Variants in GON4L observed in about 807,000 individuals in gnomAD.
GON4L encodes the protein gon-4 like.
GON4L carries 87 observed loss-of-function variants against 211.8 expected under a neutral mutation model. The observed-to-expected ratio is 0.41, with a 90% confidence interval of 0.35 to 0.49. The LOEUF (loss-of-function observed/expected upper bound fraction) is 0.49, where lower values mean the gene tolerates loss of function less well. Among genes scored for constraint, GON4L ranks in the 20% least tolerant of loss-of-function variants. GON4L has a pLI of 0.15. For synonymous variants in GON4L, 875 were observed against 962.6 expected (o/e 0.91, Z 1.68); for missense variants, 2,155 against 2,659.5 (o/e 0.81, Z 4.17).
At chr1:155,810,459 G>T (rs533343384) in intron 10 of GON4L, among the ~76,000 whole-genome samples, 29 of 151,908 alleles carry the variant, frequency 1.9e-4, no homozygotes, top group African/African-American at 7.0e-4. Flanking sequence ...TGTAATCCTA[G>T]CACTTTGGGA....
intron 2 of GON4L, chr1:155,846,641 T>C (rs553991844): frequency 6.6e-6 from 1 of 152,266 alleles, no homozygotes; most frequent in African/African-American, 2.4e-5. Flanking sequence ...ATAGATTTTT[T>C]AATTTGTAAA....
intron 16 of GON4L, 94 bp from the exon 17 acceptor site, chr1:155,775,267 T>C (rs995503958): frequency 2.6e-5 from 39 of 1,523,032 alleles, no homozygotes; most frequent in African/African-American, 5.5e-5. Context: ...ACCTTCCTAC[T>C]ACAGGATAAA....
chr1:155,767,294 G>A (rs1662615332), intron 20 of GON4L, 131 bp downstream of exon 20: 4 of 1,590,300 alleles, frequency 2.5e-6, no homozygotes, highest in Non-Finnish European at 3.4e-6. Context: ...GGGAAGAAAG[G>A]TGAATCAGGA....
rs1662304053 is a variant in GON4L at position 155,765,073 on chromosome 1, T to A, written c.4400A>T (p.Asp1467Val). The A allele has an allele frequency of 6.2e-7, 1 of 1,614,062 alleles. No individual in the cohort carries two copies. The highest frequency in any genetic ancestry group is 8.5e-7 in the Non-Finnish European group (1 of 1,180,004). The change falls in exon 21 of 32, where the codon GAC becomes GTC. Residue 1467 changes from aspartate to valine, a missense_variant. Asp to Val is a radical substitution (Grantham distance 152, BLOSUM62 -3). Transcript: ENST00000368331. ...PEEEEEEDFD[D>V]LTQDEEDEMS... ...TTCATCTTCCTCATCTTGGGTGAGGTCATCAAAGTCCTCTTCTTCCTCTTC... is the reference window on the plus strand; with the variant it reads ...TTCATCTTCCTCATCTTGGGTGAGGACATCAAAGTCCTCTTCTTCCTCTTC...
intron 28 of GON4L, 52 bp from the exon 29 acceptor site, chr1:155,753,466 G>C (rs1217674858): frequency 7.3e-7 from 1 of 1,376,700 alleles, no homozygotes; most frequent in East Asian, 2.3e-5. Flanking sequence ...TATGTCTTTG[G>C]TTGGGGCCCA....
In GON4L at chr1:155,814,199, T is replaced by C. The variant is rs1668031623; in HGVS notation, c.1281+131A>G. On this transcript the variant is annotated intron_variant, in intron 9 of 31. Transcript: ENST00000368331. ...CTGAGTTCTAGCCTTCTCTGAACTG[T>C]TTACTAACTTAAGAAACTTTGAAAA... 3.1e-6 allele frequency: 3 copies of C among 971,622 alleles called. No individual in the cohort carries two copies. The Admixed American group carries it at 5.3e-5, about 17-fold the overall frequency. The allele number at this position is 971,622 out of a possible 1,614,324, so 60.2% of individuals were successfully genotyped here. A position where few individuals can be genotyped will look rare whatever the true frequency, so the allele number is the denominator to read the frequency against.
At position 155,749,940 on chromosome 1, in the gene GON4L, G is replaced by A. The variant is rs1660416854; in HGVS notation, c.*644C>T. On this transcript the variant is annotated 3_prime_UTR_variant, in exon 32 of 32. Transcript: ENST00000368331. The stretch of plus-strand genomic sequence containing the variant: ...CTCCACAGCAGTGGAGAGCATCCCA[G>A]TGTTTGGGGCACTGTGTTCCTCTTC... 5.7e-6 allele frequency: 8 copies of A among 1,396,782 alleles called. No individual in the cohort carries two copies. The Admixed American group carries it at 1.8e-4, about 32-fold the overall frequency. The allele number at this position is 1,396,782 out of a possible 1,614,324, so 86.5% of individuals were successfully genotyped here.
intron 14 of GON4L, among the ~76,000 whole-genome samples, chr1:155,781,214 C>G (rs916370352): frequency 2.6e-5 from 4 of 151,884 alleles, no homozygotes; most frequent in Admixed American, 2.6e-4. Context: ...GTGGTCTCGG[C>G]TCACTGCAAC....
intron 25 of GON4L, 149 bp from the exon 26 acceptor site, chr1:155,757,472 T>C (rs981616291): frequency 5.7e-6 from 4 of 699,608 alleles, no homozygotes; most frequent in Non-Finnish European, 9.5e-6. Flanking sequence ...ATACTAAAAC[T>C]TTCTCTTCCT....
At chr1:155,774,109 T>C (rs1663506015) in intron 17 of GON4L, among the ~76,000 whole-genome samples, 1 of 152,128 alleles carries the variant, frequency 6.6e-6, no homozygotes, top group African/African-American at 2.4e-5. Context: ...AAGCAAATAT[T>C]TGGCTTAAGT....
At chr1:155,755,191 C>T (rs1661050668) in intron 27 of GON4L, among the ~76,000 whole-genome samples, 1 of 151,848 alleles carries the variant, frequency 6.6e-6, no homozygotes, top group East Asian at 1.9e-4. Context: ...ATGTCTCAGC[C>T]TCCCAAGTAG....
chr1:155,815,170 G>T (rs1391001119), intron 8 of GON4L, among the ~76,000 whole-genome samples: 2 of 152,012 alleles, frequency 1.3e-5, no homozygotes, highest in Non-Finnish European at 2.9e-5. Context: ...CAAAGTGTAA[G>T]GCCTTGGTCT....
intron 28 of GON4L, 55 bp downstream of exon 28, chr1:155,754,320 G>C (rs1660924417): frequency 1.9e-6 from 2 of 1,047,222 alleles, no homozygotes; most frequent in African/African-American, 1.6e-5. Flanking sequence ...ATTCTTGGTA[G>C]CAAACAATCC....
At chr1:155,775,665 G>T (rs889746415) in intron 16 of GON4L, among the ~76,000 whole-genome samples, 2 of 152,022 alleles carry the variant, frequency 1.3e-5, no homozygotes, top group African/African-American at 4.8e-5. Context: ...CACCATGTTG[G>T]TCAAGCTGTT....
intron 25 of GON4L, 57 bp downstream of exon 25, chr1:155,757,834 A>G (rs574561717): frequency 5.4e-6 from 1 of 183,918 alleles, no homozygotes; most frequent in African/African-American, 5.0e-5. Context: ...GAAAGAGACA[A>G]GGGAAAGGCC....
rs1166080167 is a variant in GON4L, at chr1:155,750,366, G to A, written c.*218C>T. 7.6e-6 allele frequency: 5 copies of A among 656,430 alleles called. No homozygotes were observed. Among genetic ancestry groups the A allele is most frequent in the South Asian group, 2.0e-5 (1 of 51,000 alleles). The allele number at this position is 656,430 out of a possible 1,614,324, so 40.7% of individuals were successfully genotyped here. A position where few individuals can be genotyped will look rare whatever the true frequency, so the allele number is the denominator to read the frequency against. ...CTCCACTCTCGATGCTATTTACAGA[G>A]GACATCTGTAAAGTCTTCATAAAAG... On this transcript the variant is annotated 3_prime_UTR_variant, in exon 32 of 32. Coordinates refer to ENST00000368331, the MANE Select transcript of GON4L (RefSeq NM_001282860.2).
chr1:155,757,102 G>A (rs1557824117), intron 26 of GON4L, 25 bp from the exon 27 acceptor site: 1 of 1,613,944 alleles, frequency 6.2e-7, no homozygotes, highest in Admixed American at 1.7e-5. Context: ...GTGCTGCTGA[G>A]CACAGACACC....
Position 155,765,436 on chromosome 1 carries a change from T to C in GON4L, c.4037A>G (p.Asp1346Gly). 6.2e-7 allele frequency: 1 copy of C among 1,614,140 alleles called. No homozygotes were observed. Among genetic ancestry groups the C allele is most frequent in the East Asian group, 2.2e-5 (1 of 44,882 alleles). Residue 1346 changes from aspartate to glycine, a missense_variant, in exon 21 of 32, where the codon GAT (aspartate) becomes GGT (glycine). Asp to Gly is a moderately conservative substitution (Grantham distance 94). Transcript: ENST00000368331. ...ISGSPERDIC[D>G]DIKVEHAVEL... ...CACAGCATGTTCCACTTTGATGTCA[T>C]CACAAATATCACGCTCAGGGGATCC...
chr1:155,780,820 A>G (rs535716454), intron 14 of GON4L, among the ~76,000 whole-genome samples: 1 of 152,290 alleles, frequency 6.6e-6, no homozygotes, highest in Admixed American at 6.5e-5. Flanking sequence ...TGTAGTTACA[A>G]CAAGCAGGTT....
Sources: allele counts gnomAD v4.1 joint callset (sites outside exome capture counted in the v4.1 genomes callset), GRCh38; gene constraint gnomAD v4.1.1; transcripts MANE v1.5; gene names NCBI Gene and HGNC (gene_info 2026-07-23, HGNC 2026-07-21).